The following HS3ST2 variants were observed in gnomAD, a reference collection of about 807,000 sequenced individuals.
The protein encoded by HS3ST2 is heparan sulfate glucosamine 3-O-sulfotransferase 2.
In HS3ST2, 17 loss-of-function variants were observed where a neutral mutation model predicts 26.3. That is an observed-to-expected ratio of 0.65 (90% CI 0.44 to 0.97). The LOEUF (loss-of-function observed/expected upper bound fraction) is 0.97. Among genes scored for constraint, HS3ST2 ranks in the 50% least tolerant of loss-of-function variants. The pLI is 0.00. For synonymous variants in HS3ST2, 237 were observed against 219.2 expected, an observed-to-expected ratio of 1.08 and a Z score of -0.72; for missense variants, 402 against 501.2, an observed-to-expected ratio of 0.80 and a Z score of 1.89.
chr16:22,841,721 C>T (rs1901359880), intron 1 of HS3ST2, among the ~76,000 whole-genome samples: 1 of 152,158 alleles, frequency 6.6e-6, no homozygotes, highest in Non-Finnish European at 1.5e-5. Context: ...AGAAGTTTTC[C>T]TAATTCCCCT....
intron 1 of HS3ST2, among the ~76,000 whole-genome samples, chr16:22,857,253 C>G (rs547603850): frequency 6.6e-6 from 1 of 152,198 alleles, no homozygotes; most frequent in East Asian, 1.9e-4. Context: ...AAACACAAGT[C>G]AGTATGAATG....
intron 1 of HS3ST2, among the ~76,000 whole-genome samples, chr16:22,824,178 G>T (rs2239334): frequency 6.6e-6 from 1 of 152,256 alleles, no homozygotes; most frequent in East Asian, 1.9e-4. Flanking sequence ...TCATGTGAGA[G>T]AGGACGTCCC....
intron 1 of HS3ST2, among the ~76,000 whole-genome samples, chr16:22,885,037 C>T (rs753468676): frequency 4.0e-5 from 6 of 151,850 alleles, no homozygotes; most frequent in Admixed American, 6.6e-5. Context: ...GATAGGGTTT[C>T]GCCATGTTAG....
chr16:22,814,723 T>G lies in HS3ST2; in HGVS notation c.113T>G (p.Leu38Arg). The change falls in exon 1 of 2, where the codon CTG (leucine) becomes CGG (arginine). Residue 38 changes from leucine to arginine, a missense_variant. This residue lies in a region of HS3ST2 where 165 missense variants were observed against 154.6 expected (regional missense o/e 1.07). Coordinates refer to ENST00000261374, the MANE Select transcript of HS3ST2 (RefSeq NM_006043.2). ...LSCTYLCYSFLCCCDDLGRSR... is the reference protein window; with the variant it reads ...LSCTYLCYSFRCCCDDLGRSR... Reference sequence around the variant, plus strand: ...TGCACTTACCTGTGTTACAGCTTCCTGTGCTGCTGCGACGACCTGGGTCGG... The same window carrying G: ...TGCACTTACCTGTGTTACAGCTTCCGGTGCTGCTGCGACGACCTGGGTCGG... The G allele has an allele frequency of 6.2e-7, 1 of 1,609,502 alleles. No individual in the cohort carries two copies. The highest frequency in any genetic ancestry group is 8.5e-7 in the Non-Finnish European group (1 of 1,178,636).
In HS3ST2 at chr16:22,915,556, G is replaced by A; in HGVS notation, c.1098G>A (p.Trp366Ter). ...AAACCGTTGGGCAGGACTTCAGGTG[G>A]GAATAAGCCCACGAAAGGAAAGGGC... ...FYETVGQDFR[W>*]E The change falls in exon 2 of 2, where the codon TGG becomes TGA. Residue 366 changes from tryptophan to a stop codon, truncating the protein, a stop_gained. Coordinates refer to ENST00000261374, the MANE Select transcript of HS3ST2 (RefSeq NM_006043.2). LOFTEE classifies it high-confidence loss of function. 6.2e-7 allele frequency: 1 copy of A among 1,610,492 alleles called. No homozygotes were observed. The highest frequency in any genetic ancestry group is 8.5e-7 in the Non-Finnish European group (1 of 1,178,066).
intron 1 of HS3ST2, among the ~76,000 whole-genome samples, chr16:22,864,105 C>T (rs914561092): frequency 6.6e-6 from 1 of 152,192 alleles, no homozygotes; most frequent in African/African-American, 2.4e-5. Context: ...CTTTTGGATT[C>T]AGATCCTTTG....
chr16:22,904,984 G>T (rs1229924648), intron 1 of HS3ST2, among the ~76,000 whole-genome samples: 4 of 152,324 alleles, frequency 2.6e-5, no homozygotes, highest in Non-Finnish European at 5.9e-5. Context: ...TGGGGGTTTA[G>T]CAGGTTTAGT....
chr16:22,868,469 T>C (rs1294031931), intron 1 of HS3ST2, among the ~76,000 whole-genome samples: 1 of 151,836 alleles, frequency 6.6e-6, no homozygotes, highest in East Asian at 1.9e-4. Context: ...ATACTGTTTG[T>C]CCCTCCATGG....
chr16:22,895,261 T>C lies in HS3ST2; in HGVS notation c.486-19683T>C, dbSNP rs577860406. On this transcript the variant is annotated intron_variant, in intron 1 of 1. Coordinates refer to ENST00000261374, the MANE Select transcript of HS3ST2 (RefSeq NM_006043.2). The stretch of plus-strand genomic sequence containing the variant: ...CCTGCCACCAGGCCTGGCTGATTTT[T>C]GTATTTTCAGTAGAGACAGGGTTTC... 3.3e-5 allele frequency among the ~76,000 whole-genome samples: 5 copies of C among 152,176 alleles called. No homozygotes were observed. In the South Asian group the frequency reaches 1.0e-3, roughly 32 times the overall value.
In HS3ST2 at chr16:22,818,555, G is replaced by A. The variant is rs75735951; in HGVS notation, c.485+3460G>A. On this transcript the variant is annotated intron_variant, in intron 1 of 1. Transcript: ENST00000261374. ...CTGATGCTGCTGCTGTTACTAAATC[G>A]GGCTGAGGAATTAATCAATTGCTAT... is the stretch of plus-strand genomic sequence containing the variant. Among the ~76,000 whole-genome samples the A allele has an allele frequency of 6.5e-3, 992 of 152,026 alleles. 14 individuals carry two copies. Among genetic ancestry groups the A allele is most frequent in the African/African-American group, 0.022 (919 of 41,444 alleles).
intron 1 of HS3ST2, among the ~76,000 whole-genome samples, chr16:22,908,327 G>T (rs1902380977): frequency 6.6e-6 from 1 of 152,086 alleles, no homozygotes; most frequent in African/African-American, 2.4e-5. Flanking sequence ...GGTGGACTCG[G>T]GAGATACAGC....
intron 1 of HS3ST2, among the ~76,000 whole-genome samples, chr16:22,832,727 G>A (rs1317069258): frequency 2.0e-5 from 3 of 151,454 alleles, no homozygotes; most frequent in Non-Finnish European, 2.9e-5. Context: ...CCTGGGGTGA[G>A]TTGAAGGGGA....
At chr16:22,850,448 C>T (rs1453806096) in intron 1 of HS3ST2, among the ~76,000 whole-genome samples, 1 of 152,178 alleles carries the variant, frequency 6.6e-6, no homozygotes, top group East Asian at 1.9e-4. Flanking sequence ...TTTATTATTT[C>T]TCATGGTTCC....
rs149900104 is a variant in HS3ST2 at position 22,835,280 on chromosome 16, A to G, written c.485+20185A>G. ...CTTCCCTCTGAGGTAGAAGTTATAT[A>G]GGCTATTTCTGTTCTTTTTGTTTGT... On this transcript the variant is annotated intron_variant, in intron 1 of 1. Coordinates refer to ENST00000261374, the MANE Select transcript of HS3ST2 (RefSeq NM_006043.2). Among the ~76,000 whole-genome samples the G allele has an allele frequency of 2.0e-3, 298 of 148,386 alleles. 1 individual carries two copies. The highest frequency in any genetic ancestry group is 7.4e-3 in the African/African-American group (288 of 39,014).
At chr16:22,902,052 T>G (rs956518081) in intron 1 of HS3ST2, among the ~76,000 whole-genome samples, 1 of 152,250 alleles carries the variant, frequency 6.6e-6, no homozygotes, top group African/African-American at 2.4e-5. Context: ...GTTAAATGTA[T>G]TGTGTATCCT....
chr16:22,891,423 A>G (rs1265541546), intron 1 of HS3ST2, among the ~76,000 whole-genome samples: 2 of 152,174 alleles, frequency 1.3e-5, no homozygotes, highest in African/African-American at 2.4e-5. Context: ...GAGGCTGCAC[A>G]GTAGTAAGTA....
In HS3ST2 at chr16:22,891,026, T is replaced by A. The variant is rs1332750178; in HGVS notation, c.486-23918T>A. 2.0e-5 allele frequency among the ~76,000 whole-genome samples: 3 copies of A among 152,196 alleles called. No homozygotes were observed. In the East Asian group the frequency reaches 5.8e-4, roughly 29 times the overall value. ...GCTTGCTGATGAGGATTCTGTTTAA[T>A]TAGTTGTGGAATTTTAAAAAACGAG... On this transcript the variant is annotated intron_variant, in intron 1 of 1. Transcript: ENST00000261374.
chr16:22,833,145 G>A, intron 1 of HS3ST2: 1 of 443,770 alleles, frequency 2.3e-6, no homozygotes, highest in Non-Finnish European at 4.5e-6. Context: ...CAGAGACTAT[G>A]TCTATGACAG....
At chr16:22,912,552 A>G (rs1451050732) in intron 1 of HS3ST2, among the ~76,000 whole-genome samples, 1 of 152,200 alleles carries the variant, frequency 6.6e-6, no homozygotes, top group African/African-American at 2.4e-5. Context: ...TTGTTAGACA[A>G]GCAACTTTTA....
Sources: allele counts gnomAD v4.1 joint callset (sites outside exome capture counted in the v4.1 genomes callset), GRCh38; gene constraint gnomAD v4.1.1; regional missense constraint gnomAD v4.1.1; transcripts MANE v1.5; gene names NCBI Gene and HGNC (gene_info 2026-07-23, HGNC 2026-07-21).